MEIS2: variants seen among roughly 807,000 people sequenced by gnomAD.
MEIS2 encodes Meis homeobox 2.
MEIS2 carries 9 observed loss-of-function variants against 58.6 expected under a neutral mutation model. The observed-to-expected ratio is 0.15, with a 90% CI of 0.09 to 0.27. The LOEUF is 0.27. Ranked by LOEUF, MEIS2 falls within the 10% of genes least tolerant of loss-of-function variation. The pLI is 1.00. For synonymous variants in MEIS2, 221 were observed against 228.4 expected (o/e 0.97, Z 0.29); for missense variants, 427 against 635.0 (o/e 0.67, Z 3.52).
At chr15:36,909,642 T>C (rs2056907295) in intron 9 of MEIS2, among the ~76,000 whole-genome samples, 1 of 152,096 alleles carries the variant, frequency 6.6e-6, no homozygotes, top group Non-Finnish European at 1.5e-5. Flanking sequence ...GAGGTATTAG[T>C]TAAAGGTGCG....
chr15:37,044,236 G>C (rs943930866), intron 7 of MEIS2, among the ~76,000 whole-genome samples: 2 of 152,164 alleles, frequency 1.3e-5, no homozygotes, highest in Admixed American at 1.3e-4. Context: ...GGGAGAAGAA[G>C]ATGTGAAGGG....
chr15:36,935,386 AT>A (rs549051943), intron 9 of MEIS2, among the ~76,000 whole-genome samples: 100 of 150,672 alleles, frequency 6.6e-4, no homozygotes, highest in Admixed American at 4.3e-3. Flanking sequence ...TAAATGTTGC[AT>A]TTTTTTTTAA....
intron 6 of MEIS2, among the ~76,000 whole-genome samples, chr15:37,090,575 C>T (rs1893391100): frequency 6.6e-6 from 1 of 152,030 alleles, no homozygotes; most frequent in Non-Finnish European, 1.5e-5. Flanking sequence ...TTAAAGAATA[C>T]TGAAACTATA....
intron 8 of MEIS2, among the ~76,000 whole-genome samples, chr15:37,010,213 G>T (rs1268385516): frequency 6.6e-6 from 1 of 151,706 alleles, no homozygotes; most frequent in Admixed American, 6.6e-5. Context: ...TCAGCCTCCC[G>T]AGTAGCTGGG....
intron 7 of MEIS2, among the ~76,000 whole-genome samples, chr15:37,060,545 A>G (rs1299852680): frequency 6.6e-6 from 1 of 152,140 alleles, no homozygotes; most frequent in East Asian, 1.9e-4. Flanking sequence ...TGTGCTCTAT[A>G]CGTTTCATGG....
At chr15:36,923,623 T>C (rs1382807148) in intron 9 of MEIS2, among the ~76,000 whole-genome samples, 2 of 152,224 alleles carry the variant, frequency 1.3e-5, no homozygotes, top group Non-Finnish European at 2.9e-5. Flanking sequence ...TTCTTTAGTA[T>C]GACCAGGAAG....
chr15:36,958,924 T>C (rs183778897), intron 8 of MEIS2, among the ~76,000 whole-genome samples: 2 of 152,322 alleles, frequency 1.3e-5, no homozygotes, highest in African/African-American at 2.4e-5. Context: ...TTCCAAAAAA[T>C]TGAATTTTGT....
At chr15:37,061,161 T>C (rs1282468580) in intron 7 of MEIS2, among the ~76,000 whole-genome samples, 1 of 152,128 alleles carries the variant, frequency 6.6e-6, no homozygotes, top group Non-Finnish European at 1.5e-5. Context: ...GCTCTAGATA[T>C]CCCATCTATA....
chr15:36,927,702 T>C (rs1355553776), intron 9 of MEIS2, among the ~76,000 whole-genome samples: 1 of 135,288 alleles, frequency 7.4e-6, no homozygotes, highest in African/African-American at 2.5e-5. Flanking sequence ...CAATAGACTA[T>C]AGAGGAAGTG....
chr15:37,010,936 G>A (rs1412439513), intron 8 of MEIS2, among the ~76,000 whole-genome samples: 13 of 152,152 alleles, frequency 8.5e-5, no homozygotes, highest in Admixed American at 5.2e-4. Context: ...CACAAACACC[G>A]TCATTCTTAT....
Position 36,976,107 on chromosome 15 carries a change from C to T in MEIS2, c.901-25707G>A, listed in dbSNP as rs575039619. Among the ~76,000 whole-genome samples the T allele has an allele frequency of 2.6e-5, 4 of 151,922 alleles. No homozygotes were observed. The South Asian group carries it at 6.2e-4, about 24-fold the overall frequency. ...AGTTTTATTTTATTTTTTTTTGAGA[C>T]AGAGTCTCGCTCTGTCACCCAGGCT... On this transcript the variant is annotated intron_variant, in intron 8 of 11. Transcript: ENST00000561208.
intron 8 of MEIS2, among the ~76,000 whole-genome samples, chr15:36,976,408 A>G (rs1021447895): frequency 6.6e-6 from 1 of 151,548 alleles, no homozygotes; most frequent in Non-Finnish European, 1.5e-5. Flanking sequence ...TTTAAAAAGA[A>G]AGCAAATGGA....
At chr15:36,988,360 T>C (rs1234252223) in intron 8 of MEIS2, among the ~76,000 whole-genome samples, 1 of 152,222 alleles carries the variant, frequency 6.6e-6, no homozygotes, top group African/African-American at 2.4e-5. Context: ...CAAATCAGTA[T>C]GTTTTCCTTG....
chr15:36,941,909 T>C (rs2058388810), intron 9 of MEIS2, among the ~76,000 whole-genome samples: 2 of 152,174 alleles, frequency 1.3e-5, no homozygotes, highest in Non-Finnish European at 2.9e-5. Context: ...CATCCACTCC[T>C]TGAGTAATTA....
At chr15:36,915,956 C>T (rs2057258076) in intron 9 of MEIS2, among the ~76,000 whole-genome samples, 1 of 152,136 alleles carries the variant, frequency 6.6e-6, no homozygotes, top group East Asian at 1.9e-4. Context: ...GGTTATCAGT[C>T]TTCTAAACTA....
intron 8 of MEIS2, among the ~76,000 whole-genome samples, chr15:37,030,652 T>C (rs2141711353): frequency 6.6e-6 from 1 of 151,348 alleles, no homozygotes; most frequent in East Asian, 2.0e-4. Context: ...ATTATTATTA[T>C]TATTATTATT....
At chr15:36,935,186 C>CTTTTTTT (rs71126245) in intron 9 of MEIS2, among the ~76,000 whole-genome samples, 2 of 136,618 alleles carry the variant, frequency 1.5e-5, no homozygotes, top group Non-Finnish European at 3.2e-5. Flanking sequence ...ATTCTTTTTT[C>CTTTTTTT]TTTTTTTTTT....
chr15:36,961,958 T>C (rs1226438602), intron 8 of MEIS2, among the ~76,000 whole-genome samples: 1 of 152,120 alleles, frequency 6.6e-6, no homozygotes, highest in Non-Finnish European at 1.5e-5. Context: ...TGCAAAAAAA[T>C]ATTTCTTACA....
In MEIS2 at chr15:37,093,573, A is replaced by G; in HGVS notation, c.639+8T>C. ...CCTTAAAAGATTGCTAAAGGCTAGC[A>G]GACTTACATGGTCAGCGAGATTTGT... On this transcript the variant is annotated splice_region_variant and intron_variant, in intron 6 of 11. Transcript: ENST00000561208. 2 of 1,614,028 alleles carry G rather than the reference A, an allele frequency of 1.2e-6. No individual in the cohort carries two copies. The highest frequency in any genetic ancestry group is 1.1e-5 in the South Asian group (1 of 91,078).
Sources: gnomAD v4.1 joint callset for allele counts (sites outside exome capture counted in the v4.1 genomes callset) on GRCh38, gnomAD v4.1.1 for gene constraint, MANE v1.5 for transcripts, NCBI Gene and HGNC (gene_info 2026-07-23, HGNC 2026-07-21) for gene names.